Variants in DHRS7B observed in about 807,000 individuals in gnomAD.
DHRS7B encodes dehydrogenase/reductase 7B.
Under a neutral mutation model 26.4 loss-of-function variants are expected in DHRS7B, and 24 were observed. The observed-to-expected ratio is 0.91, with a 90% CI of 0.66 to 1.28. The LOEUF (loss-of-function observed/expected upper bound fraction) is 1.28. Among genes scored for constraint, DHRS7B ranks in the 50% most tolerant of loss-of-function variants. The pLI, the probability that DHRS7B is intolerant of heterozygous loss-of-function variation, is 0.00. For missense variants in DHRS7B, 368 were observed against 419.4 expected (o/e 0.88, Z 1.07); for synonymous variants, 142 against 166.4 (o/e 0.85, Z 1.13).
intron 3 of DHRS7B, 76 bp downstream of exon 3, chr17:21,178,418 C>G (rs1030910026): frequency 1.7e-6 from 2 of 1,211,640 alleles, no homozygotes; most frequent in Non-Finnish European, 2.4e-6. Flanking sequence ...TAGTGGCCCA[C>G]TCCTGGACTG....
At position 21,136,802 on chromosome 17, in the gene DHRS7B, C is replaced by T. The variant is rs146778568; in HGVS notation, c.20+9811C>T. On this transcript the variant is annotated intron_variant, in intron 1 of 6. Coordinates refer to ENST00000395511, the MANE Select transcript of DHRS7B (RefSeq NM_015510.5). ...AACTCCCTACCTCAGGTGATCTGCC[C>T]GTTTCAGCCTCCCAAAGTGCTGGGA... 8.5e-3 allele frequency among the ~76,000 whole-genome samples: 1,272 copies of T among 150,454 alleles called. 10 individuals are homozygous for T. Among genetic ancestry groups the T allele is most frequent in the Admixed American group, 0.026 (392 of 15,104 alleles).
intron 1 of DHRS7B, among the ~76,000 whole-genome samples, chr17:21,137,701 A>C (rs9674853): frequency 0.86 from 130,192 of 151,902 alleles, 55,915 homozygotes; most frequent in African/African-American, 0.88. Context: ...AGGTGATCCG[A>C]CTGCCTCGGC....
chr17:21,168,644 C>T, intron 1 of DHRS7B: 1 of 878,192 alleles, frequency 1.1e-6, no homozygotes, highest in Non-Finnish European at 1.4e-6. Flanking sequence ...GCTGGAATTA[C>T]AGGCGCGAGG....
At chr17:21,169,651 G>A (rs904610171) in intron 1 of DHRS7B, among the ~76,000 whole-genome samples, 1 of 152,166 alleles carries the variant, frequency 6.6e-6, no homozygotes, top group Non-Finnish European at 1.5e-5. Context: ...TTTGAGAAGC[G>A]ACAGGCTGCA....
intron 1 of DHRS7B, among the ~76,000 whole-genome samples, chr17:21,136,963 T>A (rs1002347621): frequency 4.0e-5 from 6 of 151,880 alleles, no homozygotes; most frequent in East Asian, 1.9e-4. Flanking sequence ...AAATTTTTTT[T>A]ATTTTTATTT....
intron 1 of DHRS7B, among the ~76,000 whole-genome samples, chr17:21,132,307 C>A (rs1242234277): frequency 6.7e-6 from 1 of 148,774 alleles, no homozygotes; most frequent in Non-Finnish European, 1.5e-5. Context: ...TTGAGACCAC[C>A]CTGGGCAACA....
At chr17:21,138,629 A>C (rs1973421044) in intron 1 of DHRS7B, among the ~76,000 whole-genome samples, 1 of 152,078 alleles carries the variant, frequency 6.6e-6, no homozygotes, top group South Asian at 2.1e-4. Context: ...TACCACACAT[A>C]CAAAAATCCT....
intron 2 of DHRS7B, among the ~76,000 whole-genome samples, chr17:21,173,174 G>T (rs1170478664): frequency 6.6e-6 from 1 of 152,260 alleles, no homozygotes; most frequent in Admixed American, 6.5e-5. Context: ...GTCGTCTGTT[G>T]TAAGGAGAAA....
intron 3 of DHRS7B, among the ~76,000 whole-genome samples, chr17:21,181,338 A>G (rs79979223): frequency 0.077 from 11,630 of 151,848 alleles, 759 homozygotes; most frequent in African/African-American, 0.19. Context: ...TGCCCACTTT[A>G]CCCTCCCAAA....
In DHRS7B at chr17:21,191,131, A is replaced by C. The variant is rs750012888; in HGVS notation, c.956A>C (p.Glu319Ala). The change falls in exon 7 of 7, where the codon GAG becomes GCG. Residue 319 changes from glutamate to alanine, a missense_variant. By Grantham distance (107) the Glu-to-Ala change is moderately radical. Transcript: ENST00000395511. Reference protein sequence around the residue: ...FSLMASRARKERKSKNS With the variant: ...FSLMASRARKARKSKNS ...CTCATGGCCTCCAGGGCCAGAAAAG[A>C]GCGGAAATCCAAGAACTCCTAGTAC... The C allele has an allele frequency of 1.7e-5, 28 of 1,613,624 alleles. No individual in the cohort carries two copies. In the South Asian group the frequency reaches 2.5e-4, roughly 15 times the overall value.
chr17:21,172,012 T>C lies in DHRS7B; in HGVS notation c.21-6T>C. 2.5e-6 allele frequency: 4 copies of C among 1,614,224 alleles called. No homozygotes were observed. The highest frequency in any genetic ancestry group is 3.4e-6 in the Non-Finnish European group (4 of 1,180,036). Reference sequence around the variant, plus strand: ...TCACTGGTGTGTTTGGTTTTGGTTCTTCCAGGAAGAGTCTGCCGAAGGTGA... The same window carrying C: ...TCACTGGTGTGTTTGGTTTTGGTTCCTCCAGGAAGAGTCTGCCGAAGGTGA... On this transcript the variant is annotated splice_region_variant and splice_polypyrimidine_tract_variant and intron_variant, in intron 1 of 6. Coordinates refer to ENST00000395511, the MANE Select transcript of DHRS7B (RefSeq NM_015510.5).
At chr17:21,149,055 T>G (rs1973703399) in intron 1 of DHRS7B, among the ~76,000 whole-genome samples, 1 of 151,974 alleles carries the variant, frequency 6.6e-6, no homozygotes, top group Non-Finnish European at 1.5e-5. Context: ...GAGAGAATCC[T>G]AAGAGCAGCA....
At chr17:21,156,710 C>A (rs149514338) in intron 1 of DHRS7B, among the ~76,000 whole-genome samples, 1 of 150,130 alleles carries the variant, frequency 6.7e-6, no homozygotes, top group Non-Finnish European at 1.5e-5. Context: ...GTCAGGAGTT[C>A]GAGACTAGCC....
chr17:21,186,063 T>G lies in DHRS7B; in HGVS notation c.619+1600T>G, dbSNP rs555398458. Among the ~76,000 whole-genome samples the G allele has an allele frequency of 1.4e-4, 22 of 152,366 alleles. 1 individual carries two copies. Among genetic ancestry groups the G allele is most frequent in the African/African-American group, 4.6e-4 (19 of 41,578 alleles). ...TACCACTGATTTTTGTTGTCTGGCC[T>G]GCTGACTGCAGTAAGGCATACAATG... On this transcript the variant is annotated intron_variant, in intron 5 of 6. Transcript: ENST00000395511.
At chr17:21,150,105 TAAAAAAAAAAAA>T (rs61516968) in intron 1 of DHRS7B, among the ~76,000 whole-genome samples, 3 of 50,074 alleles carry the variant, frequency 6.0e-5, no homozygotes, top group African/African-American at 2.3e-4. Flanking sequence ...CATCTCTATT[TAAAAAAAAAAAA>T]AAAAAAAAAA....
chr17:21,191,130 G>T lies in DHRS7B; in HGVS notation c.955G>T (p.Glu319Ter). 6.2e-7 allele frequency: 1 copy of T among 1,613,748 alleles called. No homozygotes were observed. The highest frequency in any genetic ancestry group is 8.5e-7 in the Non-Finnish European group (1 of 1,180,044). The change falls in exon 7 of 7, where the codon GAG becomes TAG. Residue 319 changes from glutamate (E) to a stop codon, truncating the protein, a stop_gained. Coordinates refer to ENST00000395511, the MANE Select transcript of DHRS7B (RefSeq NM_015510.5). LOFTEE classifies it high-confidence loss of function. Reference protein sequence around the residue: ...FSLMASRARKERKSKNS With the variant: ...FSLMASRARK ...CCTCATGGCCTCCAGGGCCAGAAAAGAGCGGAAATCCAAGAACTCCTAGTA... is the reference window on the plus strand; with the variant it reads ...CCTCATGGCCTCCAGGGCCAGAAAATAGCGGAAATCCAAGAACTCCTAGTA...
chr17:21,182,409 C>CA, intron 3 of DHRS7B, among the ~76,000 whole-genome samples: 1 of 152,154 alleles, frequency 6.6e-6, no homozygotes, highest in South Asian at 2.1e-4. Context: ...CCTCCATGCC[C>CA]AGCTAGTTTT....
intron 1 of DHRS7B, among the ~76,000 whole-genome samples, chr17:21,157,781 C>T (rs759219837): frequency 3.3e-5 from 5 of 151,980 alleles, no homozygotes; most frequent in African/African-American, 4.8e-5. Context: ...TGGTGAAACC[C>T]CATCTCTACA....
In DHRS7B at chr17:21,170,427, C is replaced by G. The variant is rs191732276; in HGVS notation, c.21-1591C>G. On this transcript the variant is annotated intron_variant, in intron 1 of 6. Coordinates refer to ENST00000395511, the MANE Select transcript of DHRS7B (RefSeq NM_015510.5). ...GGTACCAGTAGTGCCTGGTGAAAAG[C>G]TTGGTGCTTTAGATACCACCTTAAT... Among the ~76,000 whole-genome samples, 9 of 152,308 alleles carry G rather than the reference C, an allele frequency of 5.9e-5. No homozygotes were observed. In the East Asian group the frequency reaches 1.3e-3, roughly 23 times the overall value.
Sources: gnomAD v4.1 joint callset for allele counts (sites outside exome capture counted in the v4.1 genomes callset) on GRCh38, gnomAD v4.1.1 for gene constraint, MANE v1.5 for transcripts, NCBI Gene and HGNC (gene_info 2026-07-23, HGNC 2026-07-21) for gene names.